COL9A2: variants seen among roughly 807,000 people sequenced by gnomAD.
COL9A2 encodes the protein collagen alpha-2(IX) chain.
COL9A2 carries 66 observed loss-of-function variants against 111.6 expected under a neutral mutation model. The ratio of observed to expected loss-of-function variants is 0.59; its 90% CI spans 0.48 to 0.73. The LOEUF (loss-of-function observed/expected upper bound fraction) is 0.73. Ranked by LOEUF, COL9A2 falls within the 30% of genes least tolerant of loss-of-function variation. The pLI is 0.00. For missense variants in COL9A2, 881 were observed against 954.1 expected, an observed-to-expected ratio of 0.92 and a Z score of 1.01; for synonymous variants, 353 against 364.1, an observed-to-expected ratio of 0.97 and a Z score of 0.35.
chr1:40,306,868 G>A (rs1234909822), intron 19 of COL9A2, among the ~76,000 whole-genome samples: 1 of 139,038 alleles, frequency 7.2e-6, no homozygotes, highest in Non-Finnish European at 1.5e-5. Context: ...TTTTTGAGAT[G>A]GAGTCTTGCT....
chr1:40,311,598 G>T lies in COL9A2; in HGVS notation c.472-51C>A. ...TTGGCCTGACCCTTTCCCGCCGCAG[G>T]CTTGCTCAAAGACCCTTCTCCTTCC... On this transcript the variant is annotated intron_variant, in intron 9 of 31. Coordinates refer to ENST00000372748, the MANE Select transcript of COL9A2 (RefSeq NM_001852.4). The surrounding 1 kb of genome is among the most constrained non-coding windows in gnomAD (Gnocchi z 5.1). 1 of 1,613,724 alleles carries T rather than the reference G, an allele frequency of 6.2e-7. No homozygotes were observed. The highest frequency in any genetic ancestry group is 8.5e-7 in the Non-Finnish European group (1 of 1,179,702).
Position 40,312,623 on chromosome 1 carries a change from G to A in COL9A2, c.304-14C>T, listed in dbSNP as rs180908956. 549 of 1,613,778 alleles carry A rather than the reference G, an allele frequency of 3.4e-4. 1 individual carries two copies. The highest frequency in any genetic ancestry group is 1.3e-3 in the African/African-American group (101 of 75,018). On this transcript the variant is annotated splice_polypyrimidine_tract_variant and intron_variant, in intron 5 of 31. Transcript: ENST00000372748. This position sits in a 1 kb window ranked among gnomAD's most constrained non-coding sequence, Gnocchi z 6.0. ...CCCGGGCTGGCCCTGCAGAAGCAAC[G>A]AGAAAGGCTCAGAGGCTGGGGTTTC...
intron 16 of COL9A2, among the ~76,000 whole-genome samples, 184 bp downstream of exon 16, chr1:40,309,750 TACAC>T (rs971261054): frequency 2.0e-5 from 3 of 151,254 alleles, no homozygotes; most frequent in Admixed American, 2.0e-4. Flanking sequence ...GCCTCACACA[TACAC>T]ACTGTACACA....
chr1:40,312,258 C>A lies in COL9A2; in HGVS notation c.364-146G>T, dbSNP rs189809661. 5.0e-6 allele frequency: 5 copies of A among 1,009,066 alleles called. No individual in the cohort carries two copies. The East Asian group carries it at 7.9e-5, about 16-fold the overall frequency. The allele number at this position is 1,009,066 out of a possible 1,614,324, so 62.5% of individuals were successfully genotyped here. On this transcript the variant is annotated intron_variant, in intron 7 of 31. Transcript: ENST00000372748. This position sits in a 1 kb window ranked among gnomAD's most constrained non-coding sequence, Gnocchi z 6.0. ...CCCCAGAGAGACTGACAGACTGAGG[C>A]TTTAAGGACCAGAGAATTGCAGAGC...
At position 40,311,290 on chromosome 1, in the gene COL9A2, G is replaced by C. The variant is rs1320664962; in HGVS notation, c.520-4C>G. 3.1e-6 allele frequency: 5 copies of C among 1,613,820 alleles called. No individual in the cohort carries two copies. Among genetic ancestry groups the C allele is most frequent in the Non-Finnish European group, 4.2e-6 (5 of 1,179,860 alleles). On this transcript the variant is annotated splice_polypyrimidine_tract_variant and splice_region_variant and intron_variant, in intron 10 of 31. Transcript: ENST00000372748. This position sits in a 1 kb window ranked among gnomAD's most constrained non-coding sequence, Gnocchi z 5.1. ...CGGGTGGACAGTTGGTTGGACACTGGAAACAGAAAATCCCACAGGGTCCTG... is the reference window on the plus strand; with the variant it reads ...CGGGTGGACAGTTGGTTGGACACTGCAAACAGAAAATCCCACAGGGTCCTG...
In COL9A2 at chr1:40,312,245, T is replaced by G; in HGVS notation, c.364-133A>C. 3 of 1,005,906 alleles carry G rather than the reference T, an allele frequency of 3.0e-6. No individual in the cohort carries two copies. Among genetic ancestry groups the G allele is most frequent in the Non-Finnish European group, 4.5e-6 (3 of 665,076 alleles). 62.3% of individuals were successfully genotyped at this position (1,005,906 alleles called of 1,614,324 possible). ...TTTTTTTTGCCAACCCCAGAGAGACTGACAGACTGAGGCTTTAAGGACCAG... is the reference window on the plus strand; with the variant it reads ...TTTTTTTTGCCAACCCCAGAGAGACGGACAGACTGAGGCTTTAAGGACCAG... On this transcript the variant is annotated intron_variant, in intron 7 of 31. Transcript: ENST00000372748. The surrounding 1 kb of genome is among the most constrained non-coding windows in gnomAD (Gnocchi z 6.0).
At chr1:40,313,570 C>T (rs1042803007) in intron 4 of COL9A2, among the ~76,000 whole-genome samples, 1 of 152,224 alleles carries the variant, frequency 6.6e-6, no homozygotes, top group African/African-American at 2.4e-5. Context: ...GTAATCGTTG[C>T]AGGGTGTGGA....
chr1:40,314,207 C>T lies in COL9A2; in HGVS notation c.247G>A (p.Asp83Asn). Residue 83 changes from aspartate (D) to asparagine (N), a missense_variant and splice_region_variant, in exon 4 of 32, where the codon GAT becomes AAT. Physicochemically the swap from Asp to Asn is conservative, Grantham distance 23 (BLOSUM62 1). Coordinates refer to ENST00000372748, the MANE Select transcript of COL9A2 (RefSeq NM_001852.4). The surrounding 1 kb of genome is among the most constrained non-coding windows in gnomAD (Gnocchi z 4.1). ...CCACCCGACACTCAGCTACTCACAT[C>T]AATCCCGGGCTTCCCGTCTGGCCCA... is the stretch of plus-strand genomic sequence containing the variant. ...PDGPDGKPGI[D>N]GLTGAKGEPG... is the part of the protein sequence containing the mutation. The T allele has an allele frequency of 6.2e-7, 1 of 1,614,236 alleles. No individual in the cohort carries two copies. The highest frequency in any genetic ancestry group is 8.5e-7 in the Non-Finnish European group (1 of 1,180,042).
At chr1:40,315,497 G>A in intron 2 of COL9A2, 93 bp downstream of exon 2, 3 of 1,463,190 alleles carry the variant, frequency 2.1e-6, no homozygotes, top group East Asian at 2.7e-5. Flanking sequence ...ACATCTCCGG[G>A]CACCCCGAAG....
At chr1:40,313,170 TC>T (rs1644159419) in intron 4 of COL9A2, among the ~76,000 whole-genome samples, 1 of 146,608 alleles carries the variant, frequency 6.8e-6, no homozygotes, top group Admixed American at 7.0e-5. Context: ...TCTTTTTCTT[TC>T]TTTTTTTTTT....
rs747788076 is a variant in COL9A2 at position 40,310,140 on chromosome 1, C to T, written c.763G>A (p.Val255Met). The T allele has an allele frequency of 6.2e-7, 1 of 1,614,000 alleles. No individual in the cohort carries two copies. Among genetic ancestry groups the T allele is most frequent in the South Asian group, 1.1e-5 (1 of 91,082 alleles). The change falls in exon 15 of 32, where the codon GTG becomes ATG. Residue 255 changes from valine to methionine, a missense_variant. Transcript: ENST00000372748. This position sits in a 1 kb window ranked among gnomAD's most constrained non-coding sequence, Gnocchi z 4.9. ...GGCCCAGTGGCACCGATAGCGCCCA[C>T]CATGCCTTTATATCCATGAGGGCCC... ...ETGPHGYKGM[V>M]GAIGATGPPG...
At chr1:40,306,822 A>G (rs905348798) in intron 19 of COL9A2, among the ~76,000 whole-genome samples, 1 of 151,276 alleles carries the variant, frequency 6.6e-6, no homozygotes, top group African/African-American at 2.4e-5. Flanking sequence ...GCCACTTAGT[A>G]TACCTCAGAT....
chr1:40,307,999 C>T lies in COL9A2; in HGVS notation c.900+193G>A, dbSNP rs965635572. ...CCGACTGCTGCAAGCTCCCCATGAC[C>T]TCCCGTATGTCATCACCCCTGTTTA... On this transcript the variant is annotated intron_variant, in intron 17 of 31. Coordinates refer to ENST00000372748, the MANE Select transcript of COL9A2 (RefSeq NM_001852.4). The surrounding 1 kb of genome is among the most constrained non-coding windows in gnomAD (Gnocchi z 4.8). 3.3e-5 allele frequency among the ~76,000 whole-genome samples: 5 copies of T among 152,164 alleles called. No individual in the cohort carries two copies. Among genetic ancestry groups the T allele is most frequent in the Non-Finnish European group, 5.9e-5 (4 of 68,024 alleles).
Position 40,314,189 on chromosome 1 carries a change from A to G in COL9A2, c.249+16T>C. The G allele has an allele frequency of 6.2e-7, 1 of 1,614,046 alleles. No homozygotes were observed. Among genetic ancestry groups the G allele is most frequent in the Non-Finnish European group, 8.5e-7 (1 of 1,179,964 alleles). ...GCAGAGCCCTACCCTGCCCCACCCG[A>G]CACTCAGCTACTCACATCAATCCCG... On this transcript the variant is annotated intron_variant, in intron 4 of 31. Coordinates refer to ENST00000372748, the MANE Select transcript of COL9A2 (RefSeq NM_001852.4). The surrounding 1 kb of genome is among the most constrained non-coding windows in gnomAD (Gnocchi z 4.1).
In COL9A2 at chr1:40,303,655, C is replaced by T. The variant is rs201605482; in HGVS notation, c.1423G>A (p.Gly475Ser). 8 of 1,537,652 alleles carry T rather than the reference C, an allele frequency of 5.2e-6. No individual in the cohort carries two copies. Among genetic ancestry groups the T allele is most frequent in the South Asian group, 3.5e-5 (3 of 85,818 alleles). ...GCATCCCCGCTGGGGCCAGGGTAGCCGGGTTCTCCACGTACTCCTTGCTGC... is the reference window on the plus strand; with the variant it reads ...GCATCCCCGCTGGGGCCAGGGTAGCTGGGTTCTCCACGTACTCCTTGCTGC... ...KGQQGVRGEP[G>S]YPGPSGDAGA... Residue 475 changes from glycine to serine, a missense_variant, in exon 28 of 32, where the codon GGC becomes AGC. By Grantham distance (56) the Gly-to-Ser change is moderately conservative (BLOSUM62 0). Transcript: ENST00000372748. The surrounding 1 kb of genome is among the most constrained non-coding windows in gnomAD (Gnocchi z 4.6).
In COL9A2 at chr1:40,310,750, C is replaced by T. The variant is rs776355717; in HGVS notation, c.648G>A (p.Val216=). The change falls in exon 13 of 32, where the codon GTG becomes GTA. Residue 216 remains valine, a synonymous_variant. Coordinates refer to ENST00000372748, the MANE Select transcript of COL9A2 (RefSeq NM_001852.4). This position sits in a 1 kb window ranked among gnomAD's most constrained non-coding sequence, Gnocchi z 4.9. ...HQGKPGPKGD[V]GASGEQGIPG... is the part of the protein sequence containing the mutation. ...GGATGCCTTGCTCTCCAGAGGCACC[C>T]ACATCTCCCTTGGGACCCTAAAGGG... is the stretch of plus-strand genomic sequence containing the variant. 1 of 1,563,752 alleles carries T rather than the reference C, an allele frequency of 6.4e-7. No individual in the cohort carries two copies. The highest frequency in any genetic ancestry group is 8.7e-7 in the Non-Finnish European group (1 of 1,153,392).
At position 40,307,510 on chromosome 1, in the gene COL9A2, C is replaced by T; in HGVS notation, c.955-11G>A. On this transcript the variant is annotated splice_polypyrimidine_tract_variant and intron_variant, in intron 18 of 31. Coordinates refer to ENST00000372748, the MANE Select transcript of COL9A2 (RefSeq NM_001852.4). The surrounding 1 kb of genome is among the most constrained non-coding windows in gnomAD (Gnocchi z 4.8). ...CTGTCCTGCACTGCCCTGGGATAGA[C>T]AGATAACCAAAGATACAAATTAAAG... is the stretch of plus-strand genomic sequence containing the variant. The T allele has an allele frequency of 6.2e-7, 1 of 1,614,126 alleles. No homozygotes were observed. Among genetic ancestry groups the T allele is most frequent in the East Asian group, 2.2e-5 (1 of 44,880 alleles).
chr1:40,304,781 G>C lies in COL9A2; in HGVS notation c.1161+13C>G. 1 of 1,549,588 alleles carries C rather than the reference G, an allele frequency of 6.5e-7. No homozygotes were observed. Among genetic ancestry groups the C allele is most frequent in the Non-Finnish European group, 8.7e-7 (1 of 1,145,906 alleles). On this transcript the variant is annotated intron_variant, in intron 22 of 31. Coordinates refer to ENST00000372748, the MANE Select transcript of COL9A2 (RefSeq NM_001852.4). Reference sequence around the variant, plus strand: ...GAGGCCCCCGGGGAGGGGCCATTGTGCCAGGCACTTACCTTCTGTCCCATG... The same window carrying C: ...GAGGCCCCCGGGGAGGGGCCATTGTCCCAGGCACTTACCTTCTGTCCCATG...
At chr1:40,305,076 T>TTTC in intron 21 of COL9A2, 3 of 426,836 alleles carry the variant, frequency 7.0e-6, no homozygotes, top group South Asian at 3.9e-5. Context: ...TTTTTTTTTT[T>TTTC]TTTTTTTTTG....
Sources: gnomAD v4.1 joint callset for allele counts (sites outside exome capture counted in the v4.1 genomes callset) on GRCh38, gnomAD v4.1.1 for gene constraint, Gnocchi (gnomAD v3.1) non-coding constraint, MANE v1.5 for transcripts, NCBI Gene and HGNC (gene_info 2026-07-23, HGNC 2026-07-21) for gene names.